Variants in PRICKLE1 observed in about 807,000 individuals in gnomAD.
PRICKLE1 encodes prickle planar cell polarity protein 1.
In PRICKLE1, 14 loss-of-function variants were observed where a neutral mutation model predicts 70.2. That is an observed-to-expected ratio of 0.20 (90% CI 0.13 to 0.31). The LOEUF is 0.31. PRICKLE1 is among the 10% of genes least tolerant of loss of function. The pLI is 1.00. For synonymous variants in PRICKLE1, 357 were observed against 379.9 expected (o/e 0.94, Z 0.70); for missense variants, 821 against 1,026.2 (o/e 0.80, Z 2.73).
intron 1 of PRICKLE1, among the ~76,000 whole-genome samples, chr12:42,535,809 T>G (rs1174252835): frequency 6.6e-6 from 1 of 151,838 alleles, no homozygotes; most frequent in African/African-American, 2.4e-5. Flanking sequence ...AGAAAAGAAA[T>G]AAAAGAAAAT....
chr12:42,472,872 G>A (rs1178263136), intron 1 of PRICKLE1, among the ~76,000 whole-genome samples: 2 of 152,200 alleles, frequency 1.3e-5, no homozygotes, highest in African/African-American at 4.8e-5. Context: ...CAAGAAAGTT[G>A]ATGTGTTGAC....
At chr12:42,462,487 C>G (rs1937887061) in intron 7 of PRICKLE1, among the ~76,000 whole-genome samples, 1 of 152,258 alleles carries the variant, frequency 6.6e-6, no homozygotes, top group East Asian at 1.9e-4. Flanking sequence ...CAGGTGTGAG[C>G]TACCACACCT....
At chr12:42,482,934 C>T (rs1173850951) in intron 1 of PRICKLE1, 1 of 152,178 alleles carries the variant, frequency 6.6e-6, no homozygotes, top group African/African-American at 2.4e-5. Flanking sequence ...ACTCTGCGCT[C>T]CAGGCGGCGG....
At chr12:42,509,440 C>G (rs1593145891) in intron 1 of PRICKLE1, among the ~76,000 whole-genome samples, 1 of 152,256 alleles carries the variant, frequency 6.6e-6, no homozygotes, top group Non-Finnish European at 1.5e-5. Context: ...CTTTCCATAT[C>G]AAAAAGGATG....
At chr12:42,556,447 T>TGGGATTATTATATA (rs1313931210) in intron 1 of PRICKLE1, among the ~76,000 whole-genome samples, 1 of 152,176 alleles carries the variant, frequency 6.6e-6, no homozygotes, top group Non-Finnish European at 1.5e-5. Context: ...TCCCACCCTG[T>TGGGATTATTATATA]AAGGGAGGGA....
At chr12:42,461,800 C>T (rs995344159) in intron 7 of PRICKLE1, among the ~76,000 whole-genome samples, 4 of 152,240 alleles carry the variant, frequency 2.6e-5, no homozygotes, top group African/African-American at 9.6e-5. Context: ...TACATAACTT[C>T]GTACTTATTT....
intron 1 of PRICKLE1, among the ~76,000 whole-genome samples, chr12:42,494,627 T>C (rs1328999411): frequency 1.3e-5 from 2 of 151,912 alleles, no homozygotes; most frequent in Non-Finnish European, 2.9e-5. Context: ...GCTAACACGG[T>C]GAAACCCTGT....
chr12:42,499,247 G>T (rs1939262148), intron 1 of PRICKLE1, among the ~76,000 whole-genome samples: 2 of 152,106 alleles, frequency 1.3e-5, no homozygotes, highest in African/African-American at 4.8e-5. Flanking sequence ...ATTGTATAAA[G>T]TTATCAGGTA....
At chr12:42,556,437 T>C (rs1940414016) in intron 1 of PRICKLE1, among the ~76,000 whole-genome samples, 1 of 152,158 alleles carries the variant, frequency 6.6e-6, no homozygotes. Flanking sequence ...AATCATAGAA[T>C]CCCACCCTGT....
intron 1 of PRICKLE1, among the ~76,000 whole-genome samples, chr12:42,540,703 C>A (rs1016483860): frequency 6.6e-6 from 1 of 152,076 alleles, no homozygotes; most frequent in Non-Finnish European, 1.5e-5. Flanking sequence ...GCTGAGAATA[C>A]AGGTATGCAC....
At chr12:42,530,062 G>C (rs1939883723) in intron 1 of PRICKLE1, among the ~76,000 whole-genome samples, 1 of 151,208 alleles carries the variant, frequency 6.6e-6, no homozygotes, top group Non-Finnish European at 1.5e-5. Flanking sequence ...TCCCACCTCA[G>C]CCTCCCGAGT....
intron 1 of PRICKLE1, among the ~76,000 whole-genome samples, chr12:42,478,935 A>G (rs941617032): frequency 6.6e-6 from 1 of 151,928 alleles, no homozygotes; most frequent in Middle Eastern, 3.2e-3. Context: ...ATCTGACCCA[A>G]AGGATAAGGG....
At chr12:42,580,439 C>T (rs1940878822) in intron 1 of PRICKLE1, among the ~76,000 whole-genome samples, 2 of 152,002 alleles carry the variant, frequency 1.3e-5, no homozygotes, top group African/African-American at 4.8e-5. Context: ...GAGAAAAATA[C>T]AATAAATGCA....
intron 1 of PRICKLE1, among the ~76,000 whole-genome samples, chr12:42,530,680 ATTTT>A (rs34675637): frequency 1.0e-5 from 1 of 97,098 alleles, no homozygotes; most frequent in African/African-American, 4.0e-5. Context: ...TTATCAAATA[ATTTT>A]TTTTTTTTTT....
chr12:42,556,008 A>G (rs1252591929), intron 1 of PRICKLE1, among the ~76,000 whole-genome samples: 1 of 152,158 alleles, frequency 6.6e-6, no homozygotes, highest in Admixed American at 6.5e-5. Context: ...TCTTAATTCC[A>G]CTTTGAAGGT....
chr12:42,539,705 G>A (rs1940076510), intron 1 of PRICKLE1, among the ~76,000 whole-genome samples: 3 of 152,136 alleles, frequency 2.0e-5, no homozygotes, highest in Admixed American at 6.5e-5. Flanking sequence ...GGTTTATAAA[G>A]TCAGTCATTT....
intron 1 of PRICKLE1, among the ~76,000 whole-genome samples, chr12:42,519,830 T>C (rs1017809462): frequency 4.6e-5 from 7 of 152,264 alleles, no homozygotes; most frequent in East Asian, 1.9e-4. Flanking sequence ...TTGTTAGAGA[T>C]GGGGTCTCAT....
intron 1 of PRICKLE1, among the ~76,000 whole-genome samples, chr12:42,500,043 G>A (rs1398064715): frequency 6.6e-6 from 1 of 151,942 alleles, no homozygotes; most frequent in Non-Finnish European, 1.5e-5. Context: ...GAGCCACCGT[G>A]CCCATCCACG....
chr12:42,469,643 T>C, intron 3 of PRICKLE1, 56 bp from the exon 4 acceptor site: 1 of 1,609,226 alleles, frequency 6.2e-7, no homozygotes, highest in Non-Finnish European at 8.5e-7. Flanking sequence ...TTCTCACCAG[T>C]TCTCTACTTC....
Sources: allele counts gnomAD v4.1 joint callset (sites outside exome capture counted in the v4.1 genomes callset), GRCh38; gene constraint gnomAD v4.1.1; transcripts MANE v1.5; gene names NCBI Gene and HGNC (gene_info 2026-07-23, HGNC 2026-07-21).